TRPM3: variants seen among roughly 807,000 people sequenced by gnomAD.
TRPM3 encodes the protein transient receptor potential cation channel subfamily M member 3, also known as long transient receptor potential channel 3.
In TRPM3, 77 loss-of-function variants were observed where a neutral mutation model predicts 181.2. That is an observed-to-expected ratio of 0.42 (90% CI 0.35 to 0.51). The LOEUF (loss-of-function observed/expected upper bound fraction) is 0.51, where lower values mean the gene tolerates loss of function less well. Among genes scored for constraint, TRPM3 ranks in the 20% least tolerant of loss-of-function variants. The pLI is 0.01. For missense variants in TRPM3, 1,759 were observed against 2,196.7 expected, an observed-to-expected ratio of 0.80 and a Z score of 3.98; for synonymous variants, 745 against 796.4, an observed-to-expected ratio of 0.94 and a Z score of 1.09.
In TRPM3 at chr9:71,196,779, C is replaced by T. The variant is rs73647967; in HGVS notation, c.183+249874G>A. 4.2e-3 allele frequency among the ~76,000 whole-genome samples: 636 copies of T among 152,060 alleles called. 4 individuals carry two copies. Among genetic ancestry groups the T allele is most frequent in the African/African-American group, 0.015 (613 of 41,496 alleles). On this transcript the variant is annotated intron_variant, in intron 1 of 24. Coordinates refer to the TRPM3 transcript ENST00000357533. ...TTCAAAGAAAACTAGGATATGAACA[C>T]GATTTTGAGCCATTTTTCATGAATG... is the stretch of plus-strand genomic sequence containing the variant.
Position 70,615,926 on chromosome 9 carries a change from T to C in TRPM3, c.2508A>G (p.Glu836=). 1 of 1,606,696 alleles carries C rather than the reference T, an allele frequency of 6.2e-7. No homozygotes were observed. Among genetic ancestry groups the C allele is most frequent in the Non-Finnish European group, 8.5e-7 (1 of 1,177,988 alleles). The change falls in exon 18 of 26, where the codon GAA becomes GAG. Residue 836 remains glutamate, a synonymous_variant. Transcript: ENST00000677713. ...TTCTTACTGTGAGCTCCATGTCCTC[T>C]TCCTCTTTTTCCTTTGTGGGCTTCT... ...EPEKPTKEKE[E]EDMELTAMLG...
At chr9:70,538,123 T>C (rs1416715348) in intron 25 of TRPM3, among the ~76,000 whole-genome samples, 1 of 152,190 alleles carries the variant, frequency 6.6e-6, no homozygotes, top group Non-Finnish European at 1.5e-5. Context: ...TTAACCAAGA[T>C]TGCATAAAGC....
At chr9:70,852,291 G>T (rs2095262600) in intron 3 of TRPM3, among the ~76,000 whole-genome samples, 1 of 151,920 alleles carries the variant, frequency 6.6e-6, no homozygotes, top group African/African-American at 2.4e-5. Context: ...CCAACAACAG[G>T]GATGTTGGTT....
At position 71,084,584 on chromosome 9, in the gene TRPM3, A is replaced by G. The variant is rs377338160; in HGVS notation, c.177+36594T>C. Among the ~76,000 whole-genome samples the G allele has an allele frequency of 1.1e-4, 16 of 152,158 alleles. No individual in the cohort carries two copies. The South Asian group carries it at 3.3e-3, about 32-fold the overall frequency. ...CTAACCAAGGAGGTGAAAGATCTCT[A>G]CAAGAAGAACTACAAAACACTAATA... On this transcript the variant is annotated intron_variant, in intron 1 of 25. Transcript: ENST00000677713.
chr9:71,184,156 A>G (rs1159094804), intron 1 of TRPM3, among the ~76,000 whole-genome samples: 1 of 152,084 alleles, frequency 6.6e-6, no homozygotes, highest in Non-Finnish European at 1.5e-5. Context: ...TGAGTATCAG[A>G]AAAAAAGGGA....
At chr9:71,225,339 GA>G (rs113700514) in intron 1 of TRPM3, among the ~76,000 whole-genome samples, 2 of 148,420 alleles carry the variant, frequency 1.3e-5, no homozygotes, top group Admixed American at 6.7e-5. Context: ...AAGTGGTGAA[GA>G]AAAAAAAAGA....
chr9:71,035,966 G>A (rs998033170), intron 1 of TRPM3, among the ~76,000 whole-genome samples: 1 of 143,060 alleles, frequency 7.0e-6, no homozygotes, highest in African/African-American at 2.6e-5. Context: ...ACTCAACTTG[G>A]TGATGCAAAC....
intron 1 of TRPM3, among the ~76,000 whole-genome samples, chr9:71,198,051 A>T (rs1238120271): frequency 6.7e-6 from 1 of 149,392 alleles, no homozygotes; most frequent in Non-Finnish European, 1.5e-5. Flanking sequence ...TTTTTGTATA[A>T]GGTGTAAGGA....
rs185621440 is a variant in TRPM3 at position 71,034,537 on chromosome 9, G to T, written c.177+86641C>A. ...GGCATCCCATACCTCTAATATCTAG[G>T]GTGTAAGGGTGGGGTGTGCAGCAGT... On this transcript the variant is annotated intron_variant, in intron 1 of 25. Coordinates refer to ENST00000677713, the MANE Select transcript of TRPM3 (RefSeq NM_001366145.2). Among the ~76,000 whole-genome samples the T allele has an allele frequency of 1.6e-4, 24 of 152,126 alleles. No homozygotes were observed. The East Asian group carries it at 3.3e-3, about 21-fold the overall frequency.
At chr9:70,829,565 A>G (rs1206945885) in intron 5 of TRPM3, among the ~76,000 whole-genome samples, 1 of 152,180 alleles carries the variant, frequency 6.6e-6, no homozygotes, top group East Asian at 1.9e-4. Flanking sequence ...TTAATGTAGC[A>G]TTAATTTAAT....
chr9:71,286,072 A>T (rs1436445149), intron 1 of TRPM3, among the ~76,000 whole-genome samples: 1 of 152,148 alleles, frequency 6.6e-6, no homozygotes, highest in Non-Finnish European at 1.5e-5. Context: ...ATAAGCCATA[A>T]AATCAAGGGC....
chr9:71,111,817 A>G (rs2071172966), intron 1 of TRPM3, among the ~76,000 whole-genome samples: 1 of 152,302 alleles, frequency 6.6e-6, no homozygotes, highest in East Asian at 1.9e-4. Context: ...ATGCCAGCAA[A>G]TAGTTATTTG....
intron 1 of TRPM3, among the ~76,000 whole-genome samples, chr9:71,382,342 C>T (rs1407487488): frequency 2.0e-5 from 3 of 152,016 alleles, no homozygotes; most frequent in Admixed American, 6.6e-5. Context: ...ATTTTCCATG[C>T]GTCATTTCAT....
rs2041337503 is a variant in TRPM3, at chr9:70,534,510, T to A, written c.*1443A>T. On this transcript the variant is annotated 3_prime_UTR_variant, in exon 26 of 26. Transcript: ENST00000677713. ...TGTCCATTTATTTTATATATAAATA[T>A]GTGTCTCTGCATAAATGCATATACA... 6.6e-6 allele frequency: 1 copy of A among 152,242 alleles called. No individual in the cohort carries two copies. The highest frequency in any genetic ancestry group is 2.1e-4 in the South Asian group (1 of 4,834). 9.4% of individuals were successfully genotyped at this position (152,242 alleles called of 1,614,324 possible).
intron 1 of TRPM3, among the ~76,000 whole-genome samples, chr9:71,061,591 G>T (rs754312069): frequency 2.0e-4 from 31 of 152,092 alleles, no homozygotes; most frequent in Non-Finnish European, 3.5e-4. Flanking sequence ...TATGTACTAG[G>T]TGGAGAGTGG....
At chr9:70,865,887 G>A (rs78971236) in intron 1 of TRPM3, among the ~76,000 whole-genome samples, 9,899 of 152,078 alleles carry the variant, frequency 0.065, 433 homozygotes, top group Middle Eastern at 0.13. Flanking sequence ...AGCACCCACC[G>A]TGCCTCAGAG....
At chr9:71,236,683 A>C (rs1015686426) in intron 1 of TRPM3, among the ~76,000 whole-genome samples, 1 of 152,194 alleles carries the variant, frequency 6.6e-6, no homozygotes, top group Non-Finnish European at 1.5e-5. Flanking sequence ...CAATAAATAC[A>C]TCTGCTAAGA....
intron 7 of TRPM3, among the ~76,000 whole-genome samples, chr9:70,773,328 C>T (rs1329656580): frequency 6.6e-6 from 1 of 152,142 alleles, no homozygotes; most frequent in African/African-American, 2.4e-5. Context: ...ACCTTTCTGT[C>T]CTCAATTTCC....
intron 3 of TRPM3, among the ~76,000 whole-genome samples, chr9:70,859,121 G>T (rs2132320320): frequency 6.6e-6 from 1 of 152,182 alleles, no homozygotes; most frequent in East Asian, 1.9e-4. Context: ...TCCACTGAGA[G>T]TTGGGGCTGC....
Sources: allele counts gnomAD v4.1 joint callset (sites outside exome capture counted in the v4.1 genomes callset), GRCh38; gene constraint gnomAD v4.1.1; transcripts MANE v1.5; gene names NCBI Gene and HGNC (gene_info 2026-07-23, HGNC 2026-07-21).